Variants in FBXL4 observed in about 807,000 individuals in gnomAD.
FBXL4 encodes F-box/LRR-repeat protein 4.
In FBXL4, 40 loss-of-function variants were observed where a neutral mutation model predicts 58.9. The ratio of observed to expected loss-of-function variants is 0.68; its 90% CI spans 0.53 to 0.88. The LOEUF (loss-of-function observed/expected upper bound fraction) is 0.88. Ranked by LOEUF, FBXL4 falls within the 40% of genes least tolerant of loss-of-function variation. FBXL4 has a pLI of 0.00. For synonymous variants in FBXL4, 263 were observed against 265.5 expected, an observed-to-expected ratio of 0.99 and a Z score of 0.09; for missense variants, 676 against 734.4, an observed-to-expected ratio of 0.92 and a Z score of 0.92.
chr6:98,945,349 A>G (rs1773581937), intron 1 of FBXL4, among the ~76,000 whole-genome samples: 1 of 152,218 alleles, frequency 6.6e-6, no homozygotes, highest in South Asian at 2.1e-4. Flanking sequence ...GCACTGACAC[A>G]GAAGGATGTT....
intron 6 of FBXL4, among the ~76,000 whole-genome samples, chr6:98,904,832 C>A (rs1005057048): frequency 6.6e-6 from 1 of 152,118 alleles, no homozygotes; most frequent in African/African-American, 2.4e-5. Context: ...TGCACTTGTG[C>A]AAGCTTTCAA....
chr6:98,931,601 A>T (rs1313781739), intron 2 of FBXL4, among the ~76,000 whole-genome samples: 3 of 152,250 alleles, frequency 2.0e-5, no homozygotes, highest in Non-Finnish European at 2.9e-5. Context: ...TTTTTCCAGC[A>T]GTGCTATTTG....
chr6:98,929,345 G>A (rs1348065389), intron 2 of FBXL4, among the ~76,000 whole-genome samples: 2 of 152,098 alleles, frequency 1.3e-5, no homozygotes, highest in African/African-American at 2.4e-5. Flanking sequence ...GCTGAGGCAG[G>A]TGGATCACCT....
Position 98,912,205 on chromosome 6 carries a change from G to T in FBXL4, c.858+5169C>A, listed in dbSNP as rs180723541. Among the ~76,000 whole-genome samples the T allele has an allele frequency of 2.0e-5, 3 of 152,328 alleles. No homozygotes were observed. The East Asian group carries it at 5.8e-4, about 29-fold the overall frequency. ...AAGACCAAATCTATGTCTGATTGGC[G>T]TACCTGAAAGTGACAGGGAGAATGG... On this transcript the variant is annotated intron_variant, in intron 5 of 9. Transcript: ENST00000369244.
chr6:98,881,191 C>A (rs1024328545), intron 7 of FBXL4, among the ~76,000 whole-genome samples: 1 of 152,164 alleles, frequency 6.6e-6, no homozygotes, highest in Non-Finnish European at 1.5e-5. Flanking sequence ...TCAGTAGCAA[C>A]ATGCTGACTG....
At position 98,917,493 on chromosome 6, in the gene FBXL4, C is replaced by G. The variant is rs1772406458; in HGVS notation, c.739G>C (p.Glu247Gln). The change falls in exon 5 of 10, where the codon GAA (glutamate) becomes CAA (glutamine). Residue 247 changes from glutamate (E) to glutamine (Q), a missense_variant. Coordinates refer to ENST00000369244, the MANE Select transcript of FBXL4 (RefSeq NM_001278716.2). Reference protein sequence around the residue: ...KTSLIDMNDIEDDAYAEKDGC... With the variant: ...KTSLIDMNDIQDDAYAEKDGC... ...TCCTTTTCTGCATAGGCATCATCTT[C>G]TATATCATTCATGTCAATAAGTGAA... 1 of 1,613,926 alleles carries G rather than the reference C, an allele frequency of 6.2e-7. No individual in the cohort carries two copies. Among genetic ancestry groups the G allele is most frequent in the Non-Finnish European group, 8.5e-7 (1 of 1,179,948 alleles).
At chr6:98,918,752 A>G (rs1470185762) in intron 4 of FBXL4, among the ~76,000 whole-genome samples, 1 of 152,150 alleles carries the variant, frequency 6.6e-6, no homozygotes, top group Non-Finnish European at 1.5e-5. Context: ...TCAAAGAATA[A>G]GAATATTTTT....
intron 1 of FBXL4, among the ~76,000 whole-genome samples, chr6:98,935,931 G>A (rs997987346): frequency 6.6e-6 from 1 of 152,006 alleles, no homozygotes; most frequent in African/African-American, 2.4e-5. Flanking sequence ...ATAAATTTAA[G>A]GAACTTACTG....
intron 4 of FBXL4, among the ~76,000 whole-genome samples, chr6:98,925,953 G>A (rs1772762645): frequency 1.3e-5 from 2 of 152,144 alleles, no homozygotes; most frequent in Admixed American, 6.5e-5. Flanking sequence ...CCAAGGAGCT[G>A]TTATGCAAAA....
intron 5 of FBXL4, among the ~76,000 whole-genome samples, chr6:98,910,306 C>T (rs568596247): frequency 2.0e-5 from 3 of 152,080 alleles, no homozygotes; most frequent in Non-Finnish European, 2.9e-5. Context: ...CTCAGAAACA[C>T]CCCAGTAGGG....
chr6:98,919,653 G>C (rs2128401903), intron 4 of FBXL4, among the ~76,000 whole-genome samples: 1 of 152,206 alleles, frequency 6.6e-6, no homozygotes, highest in Non-Finnish European at 1.5e-5. Context: ...CCTAACGAAG[G>C]AATTGATTTG....
At chr6:98,929,625 A>C (rs1034254359) in intron 2 of FBXL4, among the ~76,000 whole-genome samples, 1 of 152,044 alleles carries the variant, frequency 6.6e-6, no homozygotes, top group African/African-American at 2.4e-5. Flanking sequence ...AAAGAAAGTC[A>C]ATGAACAGAG....
intron 2 of FBXL4, among the ~76,000 whole-genome samples, chr6:98,929,508 T>C (rs1342254702): frequency 6.6e-6 from 1 of 150,838 alleles, no homozygotes; most frequent in African/African-American, 2.4e-5. Flanking sequence ...GAGGTGGAGA[T>C]TGCAGTGAGC....
chr6:98,939,075 CAAAAAAAAA>C (rs3068704), intron 1 of FBXL4, among the ~76,000 whole-genome samples: 50 of 25,260 alleles, frequency 2.0e-3, no homozygotes, highest in South Asian at 5.9e-3. Flanking sequence ...GACCTTGTCT[CAAAAAAAAA>C]AAAAAAAAAA....
At chr6:98,925,095 A>T (rs1313140584) in intron 4 of FBXL4, among the ~76,000 whole-genome samples, 2 of 152,254 alleles carry the variant, frequency 1.3e-5, no homozygotes, top group Non-Finnish European at 2.9e-5. Flanking sequence ...ATGAGCAAAT[A>T]ATATGATCAG....
At position 98,899,447 on chromosome 6, in the gene FBXL4, G is replaced by A; in HGVS notation, c.1138C>T (p.Leu380Phe). The change falls in exon 7 of 10, where the codon CTT becomes TTT. Residue 380 changes from leucine to phenylalanine, a missense_variant. By Grantham distance (22) the Leu-to-Phe change is conservative. Transcript: ENST00000369244. ...LKVCGSELVR[L>F]ELSCSHFLNE... ...AGAAAGTGGCTGCAAGACAATTCAA[G>A]GCGTACTAATTCGGATCCACAAACC... is the stretch of plus-strand genomic sequence containing the variant. 1.2e-6 allele frequency: 2 copies of A among 1,613,810 alleles called. No individual in the cohort carries two copies. The highest frequency in any genetic ancestry group is 1.7e-6 in the Non-Finnish European group (2 of 1,179,874).
chr6:98,932,711 C>T (rs1174870397), intron 2 of FBXL4, among the ~76,000 whole-genome samples: 1 of 152,016 alleles, frequency 6.6e-6, no homozygotes, highest in East Asian at 1.9e-4. Flanking sequence ...AGCGTAAAGG[C>T]TAGGTTCACA....
intron 7 of FBXL4, among the ~76,000 whole-genome samples, chr6:98,892,388 C>T (rs1771261624): frequency 6.6e-6 from 1 of 152,160 alleles, no homozygotes; most frequent in African/African-American, 2.4e-5. Flanking sequence ...AAGTGAGAAG[C>T]CACCCTCTTC....
At position 98,868,541 on chromosome 6, in the gene FBXL4, G is replaced by A. The variant is rs1171608773; in HGVS notation, c.*5737C>T. 1.3e-5 allele frequency: 2 copies of A among 152,002 alleles called. No homozygotes were observed. Among genetic ancestry groups the A allele is most frequent in the African/African-American group, 4.8e-5 (2 of 41,378 alleles). 9.4% of individuals were successfully genotyped at this position (152,002 alleles called of 1,614,324 possible). A position where few individuals can be genotyped will look rare whatever the true frequency, so the allele number is the denominator to read the frequency against. Reference sequence around the variant, plus strand: ...ATCAATTTTGAAAGTGAACTAATGAGATACTCAAACTTATTTTATTACTCT... The same window carrying A: ...ATCAATTTTGAAAGTGAACTAATGAAATACTCAAACTTATTTTATTACTCT... On this transcript the variant is annotated 3_prime_UTR_variant, in exon 10 of 10. Transcript: ENST00000369244.
Sources: gnomAD v4.1 joint callset for allele counts (sites outside exome capture counted in the v4.1 genomes callset) on GRCh38, gnomAD v4.1.1 for gene constraint, MANE v1.5 for transcripts, NCBI Gene and HGNC (gene_info 2026-07-23, HGNC 2026-07-21) for gene names.